Variants in FMN2 observed in about 807,000 individuals in gnomAD.
FMN2 encodes the protein formin-2.
FMN2 carries 51 observed loss-of-function variants against 142.3 expected under a neutral mutation model. The ratio of observed to expected loss-of-function variants is 0.36; its 90% CI spans 0.29 to 0.45. The LOEUF is 0.45. Ranked by LOEUF, FMN2 falls within the 20% of genes least tolerant of loss-of-function variation. The pLI is 1.00. For synonymous variants in FMN2, 882 were observed against 869.8 expected (o/e 1.01, Z -0.25); for missense variants, 1,936 against 2,122.8 (o/e 0.91, Z 1.73).
rs992350480 is a variant in FMN2, at chr1:240,212,971, G to T, written c.4065+1736G>T. 2.0e-5 allele frequency among the ~76,000 whole-genome samples: 3 copies of T among 151,944 alleles called. No homozygotes were observed. The South Asian group carries it at 6.2e-4, about 31-fold the overall frequency. ...TTTGTTTGTTTGTTTTTGTTTGTTTGTTTTTTTGGCTAAGGGAATACAGAT... is the reference window on the plus strand; with the variant it reads ...TTTGTTTGTTTGTTTTTGTTTGTTTTTTTTTTTGGCTAAGGGAATACAGAT... On this transcript the variant is annotated intron_variant, in intron 6 of 17. Coordinates refer to ENST00000319653, the MANE Select transcript of FMN2 (RefSeq NM_020066.5).
At chr1:240,295,921 A>C (rs1669960948) in intron 8 of FMN2, among the ~76,000 whole-genome samples, 1 of 152,076 alleles carries the variant, frequency 6.6e-6, no homozygotes, top group Admixed American at 6.6e-5. Context: ...CTTCACCAAC[A>C]CCTGTTATCT....
intron 3 of FMN2, among the ~76,000 whole-genome samples, chr1:240,185,588 G>A (rs555993996): frequency 5.9e-5 from 9 of 152,304 alleles, no homozygotes; most frequent in South Asian, 2.1e-4. Flanking sequence ...TTCTAAGTAC[G>A]TTTTTCTGAT....
At chr1:240,418,458 G>A (rs1674655488) in intron 15 of FMN2, among the ~76,000 whole-genome samples, 1 of 151,924 alleles carries the variant, frequency 6.6e-6, no homozygotes, top group Non-Finnish European at 1.5e-5. Context: ...GCCTCCCAAA[G>A]TGCAGGGATT....
chr1:240,138,428 G>A (rs1049242646), intron 2 of FMN2, among the ~76,000 whole-genome samples: 2 of 152,036 alleles, frequency 1.3e-5, no homozygotes, highest in Non-Finnish European at 2.9e-5. Flanking sequence ...GGCCGAGCAC[G>A]GTGGCTCATG....
chr1:240,336,120 G>A (rs1205778382), intron 13 of FMN2, among the ~76,000 whole-genome samples: 1 of 152,114 alleles, frequency 6.6e-6, no homozygotes, highest in African/African-American at 2.4e-5. Flanking sequence ...TCCAGCCTGA[G>A]CAACAAGAGC....
chr1:240,350,416 C>T (rs1423273437), intron 13 of FMN2, among the ~76,000 whole-genome samples: 1 of 152,196 alleles, frequency 6.6e-6, no homozygotes, highest in Non-Finnish European at 1.5e-5. Context: ...GGTCTTAGTA[C>T]TTCCTCTGCA....
intron 1 of FMN2, among the ~76,000 whole-genome samples, chr1:240,103,053 A>G (rs6691015): frequency 0.015 from 2,316 of 151,690 alleles, 63 homozygotes; most frequent in African/African-American, 0.053. Flanking sequence ...TTTTGTAGAG[A>G]CGGGGTTTCA....
At chr1:240,321,122 T>A (rs13376476) in intron 8 of FMN2, among the ~76,000 whole-genome samples, 21,936 of 152,136 alleles carry the variant, frequency 0.14, 2,056 homozygotes, top group African/African-American at 0.26. Flanking sequence ...GAAAAATACT[T>A]GTGTGATTAT....
At chr1:240,214,022 A>G (rs1018804115) in intron 6 of FMN2, among the ~76,000 whole-genome samples, 6 of 152,234 alleles carry the variant, frequency 3.9e-5, no homozygotes, top group African/African-American at 1.4e-4. Context: ...AGAGCTTAAG[A>G]CAAAGCATTT....
chr1:240,241,415 C>A (rs1667892447), intron 6 of FMN2, among the ~76,000 whole-genome samples: 1 of 152,038 alleles, frequency 6.6e-6, no homozygotes, highest in African/African-American at 2.4e-5. Flanking sequence ...AATTCCTGTG[C>A]TGTATTTAGT....
Position 240,211,198 on chromosome 1 carries a change from C to T in FMN2, c.4028C>T (p.Pro1343Leu). Residue 1343 changes from proline to leucine, a missense_variant, in exon 6 of 18, where the codon CCT becomes CTT. Physicochemically the swap from Pro to Leu is moderately conservative, Grantham distance 98 (BLOSUM62 -3). Around this residue, in one of 8 missense-constraint regions of FMN2, gnomAD observed 259 missense variants for 230.9 expected, o/e 1.12. Transcript: ENST00000319653. The stretch of plus-strand genomic sequence containing the variant: ...ACTGCTGTAAAGGAGAGAAAGAAAC[C>T]TATCTCTGATACTATCTCAAAGACG... Reference protein sequence around the residue: ...SKTAVKERKKPISDTISKTKA... With the variant: ...SKTAVKERKKLISDTISKTKA... The T allele has an allele frequency of 6.2e-7, 1 of 1,612,866 alleles. No homozygotes were observed. Among genetic ancestry groups the T allele is most frequent in the Non-Finnish European group, 8.5e-7 (1 of 1,179,538 alleles).
At chr1:240,316,714 G>T (rs1464016032) in intron 8 of FMN2, among the ~76,000 whole-genome samples, 1 of 152,054 alleles carries the variant, frequency 6.6e-6, no homozygotes, top group Non-Finnish European at 1.5e-5. Flanking sequence ...ATGATCAATG[G>T]CTCATTTTGT....
chr1:240,189,907 A>G (rs1479205349), intron 4 of FMN2, among the ~76,000 whole-genome samples: 1 of 152,234 alleles, frequency 6.6e-6, no homozygotes, highest in African/African-American at 2.4e-5. Flanking sequence ...AGCATGGCTA[A>G]ATTGTGATTT....
chr1:240,467,331 A>G (rs1676656252), intron 16 of FMN2, among the ~76,000 whole-genome samples: 1 of 150,120 alleles, frequency 6.7e-6, no homozygotes, highest in South Asian at 2.1e-4. Context: ...CTGGAGTGCA[A>G]TGGCATGATC....
At chr1:240,170,029 C>T (rs144584440) in intron 2 of FMN2, 12 of 560,384 alleles carry the variant, frequency 2.1e-5, no homozygotes, top group Middle Eastern at 4.8e-4. Context: ...AGATTAATTC[C>T]CACACAGATG....
intron 7 of FMN2, among the ~76,000 whole-genome samples, chr1:240,281,347 T>A (rs944550472): frequency 1.3e-5 from 2 of 152,150 alleles, no homozygotes; most frequent in African/African-American, 4.8e-5. Context: ...TTAAAGTGAT[T>A]TCTAAATTAT....
rs67137806 is a variant in FMN2 at position 240,295,189 on chromosome 1, TACACACACAC to T, written c.4215+333_4215+342del. Among the ~76,000 whole-genome samples, 274 of 144,186 alleles carry T rather than the reference TACACACACAC, an allele frequency of 1.9e-3. 1 individual carries two copies. Among genetic ancestry groups the T allele is most frequent in the Admixed American group, 4.3e-3 (63 of 14,796 alleles). 94.6% of individuals were successfully genotyped at this position (144,186 alleles called of 152,430 possible). ...GCCAAGCATTGTTCTGTGCACTTCA[TACACACACAC>T]ACACACACACACACACACACACACA... is the stretch of plus-strand genomic sequence containing the variant. On this transcript the variant is annotated intron_variant, in intron 8 of 17. Coordinates refer to ENST00000319653, the MANE Select transcript of FMN2 (RefSeq NM_020066.5).
intron 1 of FMN2, among the ~76,000 whole-genome samples, chr1:240,104,169 T>C (rs1034478905): frequency 2.9e-4 from 43 of 150,630 alleles, no homozygotes; most frequent in African/African-American, 2.9e-4. Flanking sequence ...TGAGCCACCG[T>C]GCCCAGCCGA....
Position 240,208,243 on chromosome 1 carries a change from C to T in FMN2, c.3431C>T (p.Pro1144Leu), listed in dbSNP as rs1305155731. 8.8e-6 allele frequency: 6 copies of T among 685,434 alleles called. No individual in the cohort carries two copies. The highest frequency in any genetic ancestry group is 1.3e-5 in the Non-Finnish European group (6 of 474,714). 42.5% of individuals were successfully genotyped at this position (685,434 alleles called of 1,614,324 possible). Residue 1144 changes from proline to leucine, a missense_variant, in exon 5 of 18, where the codon CCC becomes CTC. By Grantham distance (98) the Pro-to-Leu change is moderately conservative (BLOSUM62 -3). This residue lies in a region of FMN2 where 56 missense variants were observed against 111.8 expected (regional missense o/e 0.50). Coordinates refer to ENST00000319653, the MANE Select transcript of FMN2 (RefSeq NM_020066.5). Reference protein sequence around the residue: ...PLPGAGIPPPPPLPRVGIPPP... With the variant: ...PLPGAGIPPPLPLPRVGIPPP... ...CCCGGAGCGGGCATACCTCCTCCAC[C>T]CCCTCTACCCAGAGTGGGCATACCC...
Sources: allele counts gnomAD v4.1 joint callset (sites outside exome capture counted in the v4.1 genomes callset), GRCh38; gene constraint gnomAD v4.1.1; regional missense constraint gnomAD v4.1.1; transcripts MANE v1.5; gene names NCBI Gene and HGNC (gene_info 2026-07-23, HGNC 2026-07-21).